P3H2: variants seen among roughly 807,000 people sequenced by gnomAD.
P3H2 encodes leprecan-like 1.
In P3H2, 80 loss-of-function variants were observed where a neutral mutation model predicts 87.0. The ratio of observed to expected loss-of-function variants is 0.92; its 90% CI spans 0.77 to 1.11. The LOEUF is 1.11. Among genes scored for constraint, P3H2 ranks in the 50% least tolerant of loss-of-function variants. The pLI is 0.00. For synonymous variants in P3H2, 367 were observed against 359.3 expected (o/e 1.02, Z -0.24); for missense variants, 1,001 against 923.9 (o/e 1.08, Z -1.08).
At chr3:189,968,591 A>G (rs1274610204) in intron 13 of P3H2, among the ~76,000 whole-genome samples, 1 of 152,174 alleles carries the variant, frequency 6.6e-6, no homozygotes, top group African/African-American at 2.4e-5. Context: ...ATGATTTATA[A>G]TCCTTTGGGT....
At position 190,013,151 on chromosome 3, in the gene P3H2, T is replaced by C. The variant is rs573660750; in HGVS notation, c.481-17709A>G. On this transcript the variant is annotated intron_variant, in intron 1 of 14. Transcript: ENST00000319332. ...GGGCATGGATGTGCTCTTCGATATA[T>C]ATTGATATGAATATAATAAGAGATT... 2.0e-4 allele frequency among the ~76,000 whole-genome samples: 30 copies of C among 152,348 alleles called. 1 individual carries two copies. Among genetic ancestry groups the C allele is most frequent in the African/African-American group, 7.2e-4 (30 of 41,580 alleles).
intron 13 of P3H2, among the ~76,000 whole-genome samples, chr3:189,964,900 C>G (rs1263787685): frequency 6.6e-6 from 1 of 152,250 alleles, no homozygotes; most frequent in Non-Finnish European, 1.5e-5. Flanking sequence ...GAAGATCAAA[C>G]AAGCTGCCTC....
intron 1 of P3H2, among the ~76,000 whole-genome samples, chr3:190,119,091 G>A (rs1712411514): frequency 7.2e-6 from 1 of 138,298 alleles, no homozygotes; most frequent in South Asian, 2.5e-4. Context: ...GGTGACAAGA[G>A]CAAAACTCCG....
At chr3:190,072,101 T>A (rs773378859) in intron 1 of P3H2, among the ~76,000 whole-genome samples, 1 of 151,214 alleles carries the variant, frequency 6.6e-6, no homozygotes, top group Non-Finnish European at 1.5e-5. Context: ...GCTTTCTGCA[T>A]AGCTGGGATT....
chr3:190,064,637 G>A (rs896739602), intron 1 of P3H2, among the ~76,000 whole-genome samples: 2 of 152,064 alleles, frequency 1.3e-5, no homozygotes, highest in Non-Finnish European at 2.9e-5. Flanking sequence ...AGGGACAAGT[G>A]CAGAGCAAAA....
At chr3:190,089,636 G>A (rs1488207111) in intron 1 of P3H2, among the ~76,000 whole-genome samples, 2 of 152,146 alleles carry the variant, frequency 1.3e-5, no homozygotes, top group Non-Finnish European at 2.9e-5. Flanking sequence ...TCTGTATTTT[G>A]TCAGTAAAGG....
rs962556310 is a variant in P3H2 at position 189,957,726 on chromosome 3, A to G, written c.*186T>C. The stretch of plus-strand genomic sequence containing the variant: ...AGAGAGAGAGAGAGAGAGAGAGAGA[A>G]AACAACCCAAAACAAGAAAGATAGA... On this transcript the variant is annotated 3_prime_UTR_variant, in exon 15 of 15. Coordinates refer to ENST00000319332, the MANE Select transcript of P3H2 (RefSeq NM_018192.4). 1.9e-6 allele frequency: 1 copy of G among 528,388 alleles called. No homozygotes were observed. The allele number at this position is 528,388 out of a possible 1,614,324, so 32.7% of individuals were successfully genotyped here. A position where few individuals can be genotyped will look rare whatever the true frequency, so the allele number is the denominator to read the frequency against.
At chr3:190,093,185 G>T (rs1727469751) in intron 1 of P3H2, among the ~76,000 whole-genome samples, 2 of 152,216 alleles carry the variant, frequency 1.3e-5, no homozygotes, top group South Asian at 4.1e-4. Context: ...TAAAACCTTA[G>T]TTGTGATCAT....
intron 1 of P3H2, among the ~76,000 whole-genome samples, chr3:190,014,712 G>T (rs373617410): frequency 6.6e-6 from 1 of 152,106 alleles, no homozygotes; most frequent in Non-Finnish European, 1.5e-5. Flanking sequence ...GCTCTTGGTG[G>T]CCTCGTGGCT....
chr3:190,018,077 G>A (rs959940300), intron 1 of P3H2, among the ~76,000 whole-genome samples: 2 of 152,102 alleles, frequency 1.3e-5, no homozygotes, highest in African/African-American at 4.8e-5. Flanking sequence ...TATTATGAAA[G>A]GTTTCACAAG....
intron 1 of P3H2, among the ~76,000 whole-genome samples, chr3:190,110,811 T>G (rs1712041316): frequency 6.6e-6 from 1 of 152,246 alleles, no homozygotes; most frequent in South Asian, 2.1e-4. Context: ...TTGGCTCAAA[T>G]TTCCTGTGCT....
intron 1 of P3H2, among the ~76,000 whole-genome samples, chr3:190,076,916 T>G (rs997965529): frequency 4.6e-5 from 7 of 152,220 alleles, no homozygotes; most frequent in Non-Finnish European, 1.0e-4. Context: ...GCTTAGTCTT[T>G]TGGAGGAAAG....
At chr3:190,036,337 C>CATGTAGTCTATTTGAATACATACAACAGT (rs1367601390) in intron 1 of P3H2, among the ~76,000 whole-genome samples, 1 of 152,166 alleles carries the variant, frequency 6.6e-6, no homozygotes, top group Admixed American at 6.5e-5. Context: ...AGACTTCATA[C>CATGTAGTCTATTTGAATACATACAACAGT]ATGTTTGAAT....
intron 1 of P3H2, among the ~76,000 whole-genome samples, chr3:190,089,902 A>G (rs1413486368): frequency 6.6e-6 from 1 of 152,042 alleles, no homozygotes; most frequent in Non-Finnish European, 1.5e-5. Flanking sequence ...ACCACATCAC[A>G]TTTTAGTCAC....
In P3H2 at chr3:190,024,742, G is replaced by A. The variant is rs184351782; in HGVS notation, c.481-29300C>T. Reference sequence around the variant, plus strand: ...AAGGCTAGCAGAAGAAAACTCTATCGTCCCCAATATAAAAGAAAGACTGAG... The same window carrying A: ...AAGGCTAGCAGAAGAAAACTCTATCATCCCCAATATAAAAGAAAGACTGAG... On this transcript the variant is annotated intron_variant, in intron 1 of 14. Coordinates refer to ENST00000319332, the MANE Select transcript of P3H2 (RefSeq NM_018192.4). Among the ~76,000 whole-genome samples, 7 of 151,864 alleles carry A rather than the reference G, an allele frequency of 4.6e-5. No homozygotes were observed. In the East Asian group the frequency reaches 7.8e-4, roughly 17 times the overall value.
intron 1 of P3H2, among the ~76,000 whole-genome samples, chr3:190,025,842 A>G (rs1725070986): frequency 6.6e-6 from 1 of 152,206 alleles, no homozygotes; most frequent in Non-Finnish European, 1.5e-5. Context: ...GTAAATCAAG[A>G]GCAGAATCCT....
At chr3:190,039,833 T>C (rs1333417480) in intron 1 of P3H2, among the ~76,000 whole-genome samples, 2 of 152,174 alleles carry the variant, frequency 1.3e-5, no homozygotes, top group African/African-American at 2.4e-5. Context: ...TTGATTCTTG[T>C]TTCCCCAGTG....
chr3:189,969,553 T>C lies in P3H2; in HGVS notation c.1893+1263A>G, dbSNP rs1723108060. ...GATCAATAATGACAATATCGCCAGGTTGAATCTCCTCCCTCAAGGAGCCAC... is the reference window on the plus strand; with the variant it reads ...GATCAATAATGACAATATCGCCAGGCTGAATCTCCTCCCTCAAGGAGCCAC... On this transcript the variant is annotated intron_variant, in intron 13 of 14. Transcript: ENST00000319332. 3.8e-5 allele frequency: 48 copies of C among 1,263,198 alleles called. 1 individual carries two copies. Among genetic ancestry groups the C allele is most frequent in the Non-Finnish European group, 5.3e-5 (46 of 860,316 alleles). The allele number at this position is 1,263,198 out of a possible 1,614,324, so 78.2% of individuals were successfully genotyped here. A position where few individuals can be genotyped will look rare whatever the true frequency, so the allele number is the denominator to read the frequency against.
rs970346486 is a variant in P3H2, at chr3:190,006,541, G to A, written c.481-11099C>T. Among the ~76,000 whole-genome samples, 22 of 152,286 alleles carry A rather than the reference G, an allele frequency of 1.4e-4. 1 individual carries two copies. Among genetic ancestry groups the A allele is most frequent in the African/African-American group, 5.3e-4 (22 of 41,562 alleles). Reference sequence around the variant, plus strand: ...AATGTGACAGGATCCTAATCTTTTAGTAAATATAGCCCAGTTAGGACAAGA... The same window carrying A: ...AATGTGACAGGATCCTAATCTTTTAATAAATATAGCCCAGTTAGGACAAGA... On this transcript the variant is annotated intron_variant, in intron 1 of 14. Coordinates refer to ENST00000319332, the MANE Select transcript of P3H2 (RefSeq NM_018192.4).
Sources: allele counts gnomAD v4.1 joint callset (sites outside exome capture counted in the v4.1 genomes callset), GRCh38; gene constraint gnomAD v4.1.1; transcripts MANE v1.5; gene names NCBI Gene and HGNC (gene_info 2026-07-23, HGNC 2026-07-21).